The following CTNNA2 variants were observed in gnomAD, a reference collection of about 807,000 sequenced individuals.
CTNNA2 encodes catenin alpha-2.
Under a neutral mutation model 101.0 loss-of-function variants are expected in CTNNA2, and 42 were observed. That is an observed-to-expected ratio of 0.42 (90% CI 0.32 to 0.54). The LOEUF is 0.54. Among genes scored for constraint, CTNNA2 ranks in the 20% least tolerant of loss-of-function variants. The pLI is 0.14. For synonymous variants in CTNNA2, 450 were observed against 456.4 expected, an observed-to-expected ratio of 0.99 and a Z score of 0.18; for missense variants, 871 against 1,223.1, an observed-to-expected ratio of 0.71 and a Z score of 4.29.
intron 1 of CTNNA2, among the ~76,000 whole-genome samples, chr2:79,520,588 G>A (rs1672052402): frequency 6.6e-6 from 1 of 152,158 alleles, no homozygotes; most frequent in East Asian, 1.9e-4. Flanking sequence ...CTCTCTGTAT[G>A]TTTGACAAAG....
chr2:79,882,135 C>A (rs571214443), intron 6 of CTNNA2, among the ~76,000 whole-genome samples: 3 of 152,130 alleles, frequency 2.0e-5, no homozygotes, highest in Non-Finnish European at 2.9e-5. Context: ...ATTTTAGACC[C>A]CAAGCTCTTC....
At chr2:79,647,333 A>C (rs546916763) in intron 1 of CTNNA2, among the ~76,000 whole-genome samples, 1 of 152,366 alleles carries the variant, frequency 6.6e-6, no homozygotes, top group African/African-American at 2.4e-5. Flanking sequence ...ACAACATAAC[A>C]ATAATAACAA....
At chr2:79,566,966 C>G (rs1005097043) in intron 1 of CTNNA2, among the ~76,000 whole-genome samples, 2 of 152,016 alleles carry the variant, frequency 1.3e-5, no homozygotes, top group Admixed American at 6.6e-5. Flanking sequence ...AAATGTTCAA[C>G]GTTGACAAGA....
chr2:79,520,143 A>G (rs975219357), intron 1 of CTNNA2, among the ~76,000 whole-genome samples: 4 of 152,244 alleles, frequency 2.6e-5, no homozygotes, highest in Non-Finnish European at 4.4e-5. Flanking sequence ...TATACAATAA[A>G]GTGTACCCAT....
chr2:79,804,270 T>C (rs1324808419), intron 3 of CTNNA2, among the ~76,000 whole-genome samples: 1 of 152,198 alleles, frequency 6.6e-6, no homozygotes, highest in Non-Finnish European at 1.5e-5. Context: ...ATTCCTAAAA[T>C]AGTATGTATA....
At chr2:80,316,158 T>G (rs2149237888) in intron 7 of CTNNA2, among the ~76,000 whole-genome samples, 1 of 152,272 alleles carries the variant, frequency 6.6e-6, no homozygotes, top group East Asian at 1.9e-4. Flanking sequence ...CAAACACAGG[T>G]TTATACAGTA....
intron 7 of CTNNA2, among the ~76,000 whole-genome samples, chr2:80,365,897 G>T (rs2149325112): frequency 6.6e-6 from 1 of 152,236 alleles, no homozygotes; most frequent in Admixed American, 6.5e-5. Flanking sequence ...TTTTCCCCCT[G>T]TGGTCGGCTG....
At chr2:79,682,169 G>A (rs887404664) in intron 2 of CTNNA2, among the ~76,000 whole-genome samples, 3 of 152,054 alleles carry the variant, frequency 2.0e-5, no homozygotes, top group African/African-American at 7.2e-5. Flanking sequence ...AGCACTTTGG[G>A]AGGCCGAGGC....
At chr2:79,651,243 G>A (rs558398614) in intron 1 of CTNNA2, among the ~76,000 whole-genome samples, 72 of 152,194 alleles carry the variant, frequency 4.7e-4, no homozygotes, top group African/African-American at 1.6e-3. Context: ...GAAACCTTTC[G>A]CAGCATATAG....
intron 7 of CTNNA2, among the ~76,000 whole-genome samples, chr2:80,188,274 T>C (rs938433058): frequency 3.9e-5 from 6 of 152,228 alleles, no homozygotes; most frequent in African/African-American, 1.2e-4. Context: ...GTGAAGATCC[T>C]TGCAAGGGAG....
chr2:79,732,172 T>G (rs578200949), intron 2 of CTNNA2, among the ~76,000 whole-genome samples: 2 of 152,190 alleles, frequency 1.3e-5, no homozygotes, highest in South Asian at 2.1e-4. Flanking sequence ...AGAAAAAGTT[T>G]GAAATCTGAC....
rs59885288 is a variant in CTNNA2, at chr2:79,844,979, T to TACACACACACACACACACACACAC, written c.299-13011_299-13010insCACACACACACACACACACACACA. On this transcript the variant is annotated intron_variant, in intron 3 of 18. Transcript: ENST00000402739. ...GGAGGGATAAAGAATGAAAACAAAC[T>TACACACACACACACACACACACAC]ACACACACACACACACACACACATA... is the stretch of plus-strand genomic sequence containing the variant. Among the ~76,000 whole-genome samples the TACACACACACACACACACACACAC allele has an allele frequency of 8.4e-3, 1,174 of 140,248 alleles. 19 individuals are homozygous for TACACACACACACACACACACACAC. The highest frequency in any genetic ancestry group is 0.023 in the East Asian group (109 of 4,658). The allele number at this position is 140,248 out of a possible 152,430, so 92.0% of individuals were successfully genotyped here.
At chr2:79,768,652 G>T (rs1339450791) in intron 3 of CTNNA2, among the ~76,000 whole-genome samples, 1 of 151,862 alleles carries the variant, frequency 6.6e-6, no homozygotes, top group Non-Finnish European at 1.5e-5. Context: ...ATAATAAAAG[G>T]AGGGTTTTTT....
At chr2:79,999,180 C>T (rs1424671908) in intron 7 of CTNNA2, among the ~76,000 whole-genome samples, 1 of 152,212 alleles carries the variant, frequency 6.6e-6, no homozygotes, top group Admixed American at 6.5e-5. Context: ...AGCTCACCAG[C>T]TCCCCCATAA....
At chr2:79,358,835 T>C (rs1677565098) in intron 3 of CTNNA2, among the ~76,000 whole-genome samples, 1 of 152,320 alleles carries the variant, frequency 6.6e-6, no homozygotes, top group South Asian at 2.1e-4. Flanking sequence ...AGCCAGGAAC[T>C]TACTCAAGTT....
intron 7 of CTNNA2, among the ~76,000 whole-genome samples, chr2:80,075,607 TAC>T (rs1698648072): frequency 9.4e-6 from 1 of 106,924 alleles, no homozygotes; most frequent in Non-Finnish European, 1.8e-5. Flanking sequence ...TAAATATTTA[TAC>T]ATGTATAAAT....
intron 9 of CTNNA2, among the ~76,000 whole-genome samples, chr2:80,446,989 C>G (rs1192694792): frequency 6.6e-6 from 1 of 152,100 alleles, no homozygotes; most frequent in Non-Finnish European, 1.5e-5. Flanking sequence ...ACTCCAAACT[C>G]TCCAGCTTTT....
intron 1 of CTNNA2, among the ~76,000 whole-genome samples, chr2:79,632,251 T>G (rs4852502): frequency 7.2e-5 from 11 of 152,022 alleles, no homozygotes; most frequent in Middle Eastern, 3.4e-3. Flanking sequence ...CTTTGTAAAA[T>G]TGAAAGTAAA....
intron 4 of CTNNA2, among the ~76,000 whole-genome samples, chr2:79,386,216 C>G (rs887935653): frequency 6.6e-6 from 1 of 152,166 alleles, no homozygotes; most frequent in Non-Finnish European, 1.5e-5. Context: ...GTAGATTCTA[C>G]TCATCTACAA....
Sources: gnomAD v4.1 joint callset for allele counts (sites outside exome capture counted in the v4.1 genomes callset) on GRCh38, gnomAD v4.1.1 for gene constraint, MANE v1.5 for transcripts, NCBI Gene and HGNC (gene_info 2026-07-23, HGNC 2026-07-21) for gene names.